ADGRB3: variants seen among roughly 807,000 people sequenced by gnomAD.
ADGRB3 encodes brain-specific angiogenesis inhibitor 3.
A neutral mutation model predicts 193.4 loss-of-function variants in ADGRB3; 37 were observed. The observed-to-expected ratio is 0.19, with a 90% CI of 0.15 to 0.25. The LOEUF (loss-of-function observed/expected upper bound fraction) is 0.25, where lower values mean the gene tolerates loss of function less well. ADGRB3 is among the 10% of genes least tolerant of loss of function. The probability of loss-of-function intolerance (pLI) is 1.00; values close to 1 mark genes in which losing one functional copy is unlikely to be tolerated. For missense variants in ADGRB3, 1,637 were observed against 1,852.9 expected (o/e 0.88, Z 2.14); for synonymous variants, 690 against 644.2 (o/e 1.07, Z -1.08).
intron 5 of ADGRB3, among the ~76,000 whole-genome samples, chr6:68,938,494 C>T (rs1767544410): frequency 6.8e-6 from 1 of 148,116 alleles, no homozygotes; most frequent in African/African-American, 2.5e-5. Flanking sequence ...TTAAATCTAA[C>T]TAATTAACAA....
intron 17 of ADGRB3, among the ~76,000 whole-genome samples, chr6:69,189,294 A>T (rs1160543361): frequency 6.6e-6 from 1 of 152,156 alleles, no homozygotes; most frequent in Non-Finnish European, 1.5e-5. Context: ...TCCTTTGGGA[A>T]CTATTCACCT....
At chr6:69,156,792 T>C (rs967332602) in intron 17 of ADGRB3, among the ~76,000 whole-genome samples, 1 of 152,246 alleles carries the variant, frequency 6.6e-6, no homozygotes, top group Non-Finnish European at 1.5e-5. Context: ...AATTGTCAAT[T>C]TTATCACTGA....
chr6:68,683,104 AAAAT>A (rs988735405), intron 3 of ADGRB3, among the ~76,000 whole-genome samples: 2 of 152,144 alleles, frequency 1.3e-5, no homozygotes, highest in East Asian at 1.9e-4. Context: ...TTTTCTTAAA[AAAAT>A]AAATAAATAT....
At chr6:69,083,771 C>CTT (rs35483512) in intron 17 of ADGRB3, among the ~76,000 whole-genome samples, 5 of 102,224 alleles carry the variant, frequency 4.9e-5, no homozygotes, top group Non-Finnish European at 5.9e-5. Context: ...TTAACTGTTA[C>CTT]TTTTTTTTTT....
chr6:69,348,418 G>A (rs1047987195), intron 26 of ADGRB3, among the ~76,000 whole-genome samples: 2 of 151,566 alleles, frequency 1.3e-5, no homozygotes, highest in Admixed American at 6.6e-5. Flanking sequence ...AGGCTGAGGC[G>A]GGTGGATCAC....
At chr6:68,935,570 G>A (rs1189448289) in intron 4 of ADGRB3, among the ~76,000 whole-genome samples, 2 of 152,022 alleles carry the variant, frequency 1.3e-5, no homozygotes, top group East Asian at 1.9e-4. Context: ...GTTAACTTAA[G>A]TAGTTAACTG....
At chr6:68,701,894 G>A (rs1399499697) in intron 3 of ADGRB3, among the ~76,000 whole-genome samples, 1 of 152,158 alleles carries the variant, frequency 6.6e-6, no homozygotes, top group East Asian at 1.9e-4. Context: ...TTTAAAGATA[G>A]AAGTGATGTT....
At chr6:68,733,358 G>A (rs1765809922) in intron 3 of ADGRB3, among the ~76,000 whole-genome samples, 1 of 151,172 alleles carries the variant, frequency 6.6e-6, no homozygotes, top group South Asian at 2.1e-4. Flanking sequence ...GATGCAGCCT[G>A]AGGCCATTAT....
intron 20 of ADGRB3, among the ~76,000 whole-genome samples, chr6:69,285,910 G>C (rs1309726643): frequency 6.6e-6 from 1 of 151,776 alleles, no homozygotes; most frequent in Non-Finnish European, 1.5e-5. Flanking sequence ...AAGTCTACCT[G>C]GCTTTAGGTA....
intron 3 of ADGRB3, among the ~76,000 whole-genome samples, chr6:68,763,437 C>G (rs1389757168): frequency 1.3e-5 from 2 of 152,128 alleles, no homozygotes; most frequent in Non-Finnish European, 2.9e-5. Flanking sequence ...ACATGCTACT[C>G]CTATTTTATT....
intron 20 of ADGRB3, among the ~76,000 whole-genome samples, chr6:69,257,046 A>G (rs909701427): frequency 1.5e-4 from 23 of 152,118 alleles, no homozygotes; most frequent in African/African-American, 5.6e-4. Context: ...CATCCCAGGG[A>G]TGAAGCCCAC....
chr6:69,117,549 A>G (rs983779600), intron 17 of ADGRB3, among the ~76,000 whole-genome samples: 3 of 152,232 alleles, frequency 2.0e-5, no homozygotes, highest in African/African-American at 7.2e-5. Context: ...AGTAAGCCAA[A>G]TTCTTGGAGG....
intron 3 of ADGRB3, among the ~76,000 whole-genome samples, chr6:68,736,480 T>TA (rs1288361319): frequency 1.3e-5 from 2 of 152,162 alleles, no homozygotes; most frequent in African/African-American, 4.8e-5. Flanking sequence ...CTCTACTAAT[T>TA]AGACTTAATT....
At chr6:68,703,767 C>A (rs987625331) in intron 3 of ADGRB3, among the ~76,000 whole-genome samples, 2 of 151,872 alleles carry the variant, frequency 1.3e-5, no homozygotes, top group Non-Finnish European at 2.9e-5. Context: ...GGATTACAGG[C>A]GCCCGCCACC....
chr6:69,297,096 C>T (rs532360052), intron 20 of ADGRB3, among the ~76,000 whole-genome samples: 1 of 152,006 alleles, frequency 6.6e-6, no homozygotes, highest in African/African-American at 2.4e-5. Flanking sequence ...ACAACTGCAT[C>T]GATAATGGAA....
At chr6:69,197,233 A>G (rs1401558587) in intron 17 of ADGRB3, among the ~76,000 whole-genome samples, 1 of 151,988 alleles carries the variant, frequency 6.6e-6, no homozygotes, top group Non-Finnish European at 1.5e-5. Flanking sequence ...TAGTGTTTTT[A>G]TTGCTAGTTT....
chr6:69,084,879 G>A (rs1231783745), intron 17 of ADGRB3, among the ~76,000 whole-genome samples: 4 of 152,100 alleles, frequency 2.6e-5, no homozygotes, highest in Non-Finnish European at 5.9e-5. Flanking sequence ...AGTATGGGAG[G>A]TGCTCAATAA....
At chr6:68,852,179 C>G (rs965457023) in intron 3 of ADGRB3, among the ~76,000 whole-genome samples, 4 of 151,850 alleles carry the variant, frequency 2.6e-5, no homozygotes, top group Middle Eastern at 3.4e-3. Context: ...ATACCACATA[C>G]TTACAAATAC....
chr6:68,643,658 T>C (rs1228200171), intron 3 of ADGRB3, among the ~76,000 whole-genome samples: 1 of 146,854 alleles, frequency 6.8e-6, no homozygotes, highest in Non-Finnish European at 1.5e-5. Context: ...TCTCGGCTGG[T>C]CGCAGTGTCT....
Sources: allele counts gnomAD v4.1 joint callset (sites outside exome capture counted in the v4.1 genomes callset), GRCh38; gene constraint gnomAD v4.1.1; transcripts MANE v1.5; gene names NCBI Gene and HGNC (gene_info 2026-07-23, HGNC 2026-07-21).